Variants in MIPEP observed in about 807,000 individuals in gnomAD.
MIPEP encodes mitochondrial intermediate peptidase.
A neutral mutation model predicts 90.3 loss-of-function variants in MIPEP; 79 were observed. The observed-to-expected ratio is 0.87, with a 90% CI of 0.73 to 1.05. The LOEUF (loss-of-function observed/expected upper bound fraction) is 1.05. MIPEP is among the 50% of genes least tolerant of loss of function. The probability of loss-of-function intolerance (pLI) is 0.00; values close to 1 mark genes in which losing one functional copy is unlikely to be tolerated. For synonymous variants in MIPEP, 334 were observed against 315.8 expected (o/e 1.06, Z -0.61); for missense variants, 940 against 905.6 (o/e 1.04, Z -0.49).
At chr13:23,870,249 C>A in intron 5 of MIPEP, 54 bp from the exon 6 acceptor site, 1 of 1,199,224 alleles carries the variant, frequency 8.3e-7, no homozygotes, top group Non-Finnish European at 1.1e-6. Flanking sequence ...TAATATTTCA[C>A]AATTTAATAA....
chr13:23,755,048 A>G (rs1411469033), intron 18 of MIPEP, among the ~76,000 whole-genome samples: 1 of 152,198 alleles, frequency 6.6e-6, no homozygotes, highest in African/African-American at 2.4e-5. Flanking sequence ...CGGGGATCAT[A>G]ACTCCTACCT....
chr13:23,868,846 G>A (rs1870656268), intron 7 of MIPEP, among the ~76,000 whole-genome samples: 1 of 152,244 alleles, frequency 6.6e-6, no homozygotes, highest in South Asian at 2.1e-4. Context: ...ACCTCACCTA[G>A]CACAAACCTT....
chr13:23,884,297 C>T (rs1871383096), intron 2 of MIPEP, among the ~76,000 whole-genome samples: 1 of 152,010 alleles, frequency 6.6e-6, no homozygotes, highest in Non-Finnish European at 1.5e-5. Flanking sequence ...GAGGGCTGCA[C>T]AAATTTATAC....
intron 5 of MIPEP, among the ~76,000 whole-genome samples, chr13:23,872,626 A>G (rs1205439462): frequency 6.6e-6 from 1 of 152,150 alleles, no homozygotes; most frequent in Admixed American, 6.5e-5. Context: ...GAGAACAAAC[A>G]TGGAAGTTAC....
rs1566023814 is a variant in MIPEP, at chr13:23,870,108, T to C, written c.691A>G (p.Lys231Glu). Reference sequence around the variant, plus strand: ...CGAATGTGTTCTGGTAAGAGATGCTTCTCAATCTTGTTGGGAAAATTGGTT... The same window carrying C: ...CGAATGTGTTCTGGTAAGAGATGCTCCTCAATCTTGTTGGGAAAATTGGTT... ...MGTNFPNKIEKHLLPEHIRRN... is the reference protein window; with the variant it reads ...MGTNFPNKIEEHLLPEHIRRN... The change falls in exon 6 of 19, where the codon AAG (lysine) becomes GAG (glutamate). Residue 231 changes from lysine to glutamate, a missense_variant. Physicochemically the swap from Lys to Glu is moderately conservative, Grantham distance 56. Coordinates refer to ENST00000382172, the MANE Select transcript of MIPEP (RefSeq NM_005932.4). 1 of 1,612,676 alleles carries C rather than the reference T, an allele frequency of 6.2e-7. No individual in the cohort carries two copies. The highest frequency in any genetic ancestry group is 1.3e-5 in the African/African-American group (1 of 74,974).
intron 18 of MIPEP, among the ~76,000 whole-genome samples, chr13:23,731,968 ATTTTTTTTT>A (rs57109674): frequency 6.1e-5 from 6 of 97,862 alleles, no homozygotes; most frequent in East Asian, 3.7e-4. Context: ...AGAATAGCTA[ATTTTTTTTT>A]TTTTTTTTTT....
intron 16 of MIPEP, among the ~76,000 whole-genome samples, chr13:23,782,454 C>T (rs1351069538): frequency 6.6e-6 from 1 of 152,072 alleles, no homozygotes; most frequent in Non-Finnish European, 1.5e-5. Flanking sequence ...ACATTTAAAG[C>T]AGTGTGTAGA....
At chr13:23,841,582 T>C (rs1869300830) in intron 10 of MIPEP, 94 bp from the exon 11 acceptor site, 5 of 1,318,434 alleles carry the variant, frequency 3.8e-6, no homozygotes, top group Admixed American at 2.5e-5. Context: ...TTAAGATCAC[T>C]GGAGCTAAAG....
intron 17 of MIPEP, 150 bp downstream of exon 17, chr13:23,759,946 G>T: frequency 1.1e-6 from 1 of 942,390 alleles, no homozygotes; most frequent in South Asian, 1.6e-5. Context: ...GAATGGCCAA[G>T]TGGGGCGAGG....
intron 4 of MIPEP, among the ~76,000 whole-genome samples, chr13:23,875,615 G>A (rs1414064491): frequency 6.7e-6 from 1 of 149,626 alleles, no homozygotes; most frequent in Non-Finnish European, 1.5e-5. Flanking sequence ...TACTCTTTTG[G>A]CTTTCCTTGA....
chr13:23,830,511 C>T (rs537664603), intron 14 of MIPEP, among the ~76,000 whole-genome samples: 2 of 152,252 alleles, frequency 1.3e-5, no homozygotes, highest in African/African-American at 2.4e-5. Context: ...GGCTTCATAG[C>T]TGTTCTTTCT....
intron 14 of MIPEP, among the ~76,000 whole-genome samples, chr13:23,829,966 G>T (rs1487605718): frequency 6.6e-6 from 1 of 152,222 alleles, no homozygotes; most frequent in Non-Finnish European, 1.5e-5. Context: ...AAAAGTCAAT[G>T]AGGATGCTGC....
chr13:23,733,866 C>T (rs1392599021), intron 18 of MIPEP, among the ~76,000 whole-genome samples: 3 of 152,192 alleles, frequency 2.0e-5, no homozygotes, highest in Non-Finnish European at 4.4e-5. Context: ...AATGTCATTG[C>T]TGTGTCTATT....
At chr13:23,760,003 T>C (rs1952522962) in intron 17 of MIPEP, 93 bp downstream of exon 17, 1 of 1,508,450 alleles carries the variant, frequency 6.6e-7, no homozygotes, top group East Asian at 2.3e-5. Context: ...CTGTGTTATG[T>C]GGGCTGCAGT....
At chr13:23,750,485 A>T (rs1234845732) in intron 18 of MIPEP, among the ~76,000 whole-genome samples, 1 of 152,140 alleles carries the variant, frequency 6.6e-6, no homozygotes, top group African/African-American at 2.4e-5. Flanking sequence ...CATTTTTCTC[A>T]TTATGAGACT....
chr13:23,887,696 G>A (rs969931799), intron 1 of MIPEP, among the ~76,000 whole-genome samples: 1 of 152,200 alleles, frequency 6.6e-6, no homozygotes, highest in Non-Finnish European at 1.5e-5. Flanking sequence ...GCTAGGCTTT[G>A]TTAATTCACT....
At position 23,792,379 on chromosome 13, in the gene MIPEP, A is replaced by G. The variant is rs1395810235; in HGVS notation, c.1848+13571T>C. Among the ~76,000 whole-genome samples, 3 of 152,248 alleles carry G rather than the reference A, an allele frequency of 2.0e-5. No homozygotes were observed. The East Asian group carries it at 5.8e-4, about 29-fold the overall frequency. ...CTCTCCCTTAAGACCTACATTTCCC[A>G]TAGTCTTCATAGTCTTCTCCATCTT... On this transcript the variant is annotated intron_variant, in intron 16 of 18. Transcript: ENST00000382172.
intron 2 of MIPEP, among the ~76,000 whole-genome samples, chr13:23,883,068 C>T (rs978975474): frequency 1.3e-5 from 2 of 152,098 alleles, no homozygotes; most frequent in Admixed American, 6.6e-5. Flanking sequence ...CAGTACTAAT[C>T]TCACTGGCAG....
At chr13:23,797,377 T>C (rs1399407387) in intron 16 of MIPEP, among the ~76,000 whole-genome samples, 1 of 152,182 alleles carries the variant, frequency 6.6e-6, no homozygotes, top group Non-Finnish European at 1.5e-5. Flanking sequence ...TACAGTCACA[T>C]CAAATGAAAT....
Sources: gnomAD v4.1 joint callset for allele counts (sites outside exome capture counted in the v4.1 genomes callset) on GRCh38, gnomAD v4.1.1 for gene constraint, MANE v1.5 for transcripts, NCBI Gene and HGNC (gene_info 2026-07-23, HGNC 2026-07-21) for gene names.